The following RAPGEF4 variants were observed in gnomAD, a reference collection of about 807,000 sequenced individuals.
RAPGEF4 encodes RAP guanine-nucleotide-exchange factor (GEF) 4.
A neutral mutation model predicts 147.9 loss-of-function variants in RAPGEF4; 66 were observed. The observed-to-expected ratio is 0.45, with a 90% confidence interval of 0.37 to 0.55. The LOEUF (loss-of-function observed/expected upper bound fraction) is 0.55, where lower values mean the gene tolerates loss of function less well. Ranked by LOEUF, RAPGEF4 falls within the 20% of genes least tolerant of loss-of-function variation. RAPGEF4 has a pLI of 0.00. For synonymous variants in RAPGEF4, 419 were observed against 442.7 expected (o/e 0.95, Z 0.67); for missense variants, 1,071 against 1,257.3 (o/e 0.85, Z 2.24).
At chr2:173,048,906 A>T (rs1685835426) in intron 30 of RAPGEF4, among the ~76,000 whole-genome samples, 1 of 152,204 alleles carries the variant, frequency 6.6e-6, no homozygotes, top group African/African-American at 2.4e-5. Flanking sequence ...ATTTAAAGAG[A>T]TTTAATTTGC....
chr2:172,948,907 CA>C (rs1268585112), intron 6 of RAPGEF4, among the ~76,000 whole-genome samples: 2 of 152,150 alleles, frequency 1.3e-5, no homozygotes, highest in Non-Finnish European at 2.9e-5. Flanking sequence ...TCCCATGACA[CA>C]AGTTTACCTA....
chr2:172,753,940 C>T (rs1049121461), intron 1 of RAPGEF4, among the ~76,000 whole-genome samples: 21 of 152,054 alleles, frequency 1.4e-4, no homozygotes, highest in African/African-American at 5.1e-4. Context: ...CAGCTTCTTT[C>T]TGAGAGAGTT....
At chr2:172,946,506 C>T (rs906473840) in intron 6 of RAPGEF4, among the ~76,000 whole-genome samples, 2 of 152,156 alleles carry the variant, frequency 1.3e-5, no homozygotes, top group African/African-American at 2.4e-5. Flanking sequence ...CACTTTCTCT[C>T]ACCTCCTCCC....
intron 3 of RAPGEF4, among the ~76,000 whole-genome samples, chr2:172,805,359 T>C (rs1227381836): frequency 6.6e-6 from 1 of 152,232 alleles, no homozygotes; most frequent in Non-Finnish European, 1.5e-5. Flanking sequence ...TAGATTATTC[T>C]GCCCCTATTA....
chr2:172,984,682 C>G (rs1167098089), intron 11 of RAPGEF4, among the ~76,000 whole-genome samples: 2 of 152,162 alleles, frequency 1.3e-5, no homozygotes, highest in African/African-American at 4.8e-5. Flanking sequence ...GGGCAGAAAG[C>G]TGAGGCTCCA....
intron 4 of RAPGEF4, among the ~76,000 whole-genome samples, chr2:172,901,414 G>A (rs1277195563): frequency 1.3e-5 from 2 of 152,184 alleles, no homozygotes; most frequent in African/African-American, 4.8e-5. Context: ...ACATCACAGA[G>A]AGATTTGACC....
At chr2:172,886,456 C>T (rs1037245699) in intron 4 of RAPGEF4, among the ~76,000 whole-genome samples, 4 of 152,158 alleles carry the variant, frequency 2.6e-5, no homozygotes, top group African/African-American at 9.7e-5. Context: ...TAGAAAGAAC[C>T]CAGCACTCGG....
intron 16 of RAPGEF4, among the ~76,000 whole-genome samples, chr2:172,998,858 CA>C (rs61441769): frequency 9.9e-5 from 15 of 151,908 alleles, no homozygotes; most frequent in African/African-American, 2.9e-4. Flanking sequence ...TATATTGACT[CA>C]AAAAAATATA....
chr2:172,796,510 A>G (rs1307320082), intron 2 of RAPGEF4, among the ~76,000 whole-genome samples: 1 of 152,038 alleles, frequency 6.6e-6, no homozygotes, highest in Non-Finnish European at 1.5e-5. Flanking sequence ...GCTTGAACCC[A>G]GGAGGCCGAG....
chr2:172,892,478 A>G (rs924687125), intron 4 of RAPGEF4, among the ~76,000 whole-genome samples: 1 of 152,224 alleles, frequency 6.6e-6, no homozygotes, highest in African/African-American at 2.4e-5. Context: ...TTTCTGGCTC[A>G]GGACTGTTTC....
chr2:172,814,596 A>G, intron 4 of RAPGEF4, 171 bp downstream of exon 4: 1 of 725,580 alleles, frequency 1.4e-6, no homozygotes, highest in East Asian at 2.8e-5. Flanking sequence ...AGCCATTTTG[A>G]CACAAGACAT....
At chr2:172,977,906 G>GAT (rs1198552636) in intron 10 of RAPGEF4, among the ~76,000 whole-genome samples, 1 of 152,242 alleles carries the variant, frequency 6.6e-6, no homozygotes, top group African/African-American at 2.4e-5. Context: ...ATTGCCAAAT[G>GAT]ATAGTTGCTT....
rs748464371 is a variant in RAPGEF4 at position 173,026,666 on chromosome 2, A to G, written c.2348A>G (p.Tyr783Cys). 8 of 1,614,098 alleles carry G rather than the reference A, an allele frequency of 5.0e-6. No individual in the cohort carries two copies. Among genetic ancestry groups the G allele is most frequent in the Non-Finnish European group, 5.9e-6 (7 of 1,179,970 alleles). Residue 783 changes from tyrosine (Y) to cysteine (C), a missense_variant, in exon 24 of 31, where the codon TAT becomes TGT. Transcript: ENST00000397081. ...SKDLAYQMTIYDWELFNCVHE... is the reference protein window; with the variant it reads ...SKDLAYQMTICDWELFNCVHE... ...GATTTAGCATACCAGATGACAATTT[A>G]TGATTGGGAACTCTTCAACTGCGTG...
At position 172,761,229 on chromosome 2, in the gene RAPGEF4, G is replaced by A. The variant is rs557867647; in HGVS notation, c.65+25181G>A. 7.3e-5 allele frequency among the ~76,000 whole-genome samples: 11 copies of A among 151,614 alleles called. No homozygotes were observed. In the South Asian group the frequency reaches 1.3e-3, roughly 17 times the overall value. ...CAACCTCTGCTCCCTGGGTTCAAGC[G>A]ATTCTCCTGGCTCAGCCTCCTGAGT... On this transcript the variant is annotated intron_variant, in intron 1 of 30. Coordinates refer to ENST00000397081, the MANE Select transcript of RAPGEF4 (RefSeq NM_007023.4).
chr2:172,789,423 T>G (rs972309274), intron 1 of RAPGEF4, among the ~76,000 whole-genome samples: 1 of 152,204 alleles, frequency 6.6e-6, no homozygotes, highest in Non-Finnish European at 1.5e-5. Context: ...TACAGTGTCT[T>G]TGTTTACAAA....
At chr2:172,806,707 A>C (rs1559051031) in intron 3 of RAPGEF4, among the ~76,000 whole-genome samples, 1 of 152,222 alleles carries the variant, frequency 6.6e-6, no homozygotes, top group Non-Finnish European at 1.5e-5. Flanking sequence ...AATCCGGGCT[A>C]CACTTGGCCT....
intron 4 of RAPGEF4, among the ~76,000 whole-genome samples, chr2:172,853,249 G>T (rs553657255): frequency 6.6e-6 from 1 of 152,082 alleles, no homozygotes; most frequent in South Asian, 2.1e-4. Context: ...AGAATACCAT[G>T]AAACCATTTG....
chr2:173,030,010 A>G (rs960671481), intron 25 of RAPGEF4, among the ~76,000 whole-genome samples, 154 bp from the exon 26 acceptor site: 2 of 152,256 alleles, frequency 1.3e-5, no homozygotes, highest in African/African-American at 4.8e-5. Flanking sequence ...ATGGTCACCC[A>G]AGTGGAACTT....
chr2:172,996,331 G>A (rs909183495), intron 15 of RAPGEF4, 135 bp from the exon 16 acceptor site: 3 of 485,714 alleles, frequency 6.2e-6, no homozygotes, highest in Non-Finnish European at 1.1e-5. Context: ...CAAAGTGTGT[G>A]GTCTCTCTTA....
Sources: gnomAD v4.1 joint callset for allele counts (sites outside exome capture counted in the v4.1 genomes callset) on GRCh38, gnomAD v4.1.1 for gene constraint, MANE v1.5 for transcripts, NCBI Gene and HGNC (gene_info 2026-07-23, HGNC 2026-07-21) for gene names.